Variants in RBFOX1 observed in about 807,000 individuals in gnomAD.
RBFOX1 encodes RNA binding fox-1 homolog 1, also known as RNA binding protein fox-1 homolog 1.
Under a neutral mutation model 57.7 loss-of-function variants are expected in RBFOX1, and 8 were observed. The observed-to-expected ratio is 0.14, with a 90% CI of 0.08 to 0.25. The LOEUF (loss-of-function observed/expected upper bound fraction) is 0.25. Ranked by LOEUF, RBFOX1 falls within the 10% of genes least tolerant of loss-of-function variation. The pLI, the probability that RBFOX1 is intolerant of heterozygous loss-of-function variation, is 1.00. For missense variants in RBFOX1, 611 were observed against 548.5 expected, an observed-to-expected ratio of 1.11 and a Z score of -1.14; for synonymous variants, 326 against 222.4, an observed-to-expected ratio of 1.47 and a Z score of -4.15.
intron 3 of RBFOX1, among the ~76,000 whole-genome samples, chr16:6,992,164 C>G (rs910484364): frequency 3.2e-5 from 4 of 126,380 alleles, no homozygotes; most frequent in Non-Finnish European, 7.4e-5. Flanking sequence ...CATAGAGAAG[C>G]AATTTTTTGT....
chr16:6,210,891 C>T (rs560920250), intron 1 of RBFOX1, among the ~76,000 whole-genome samples: 1 of 152,094 alleles, frequency 6.6e-6, no homozygotes, highest in Non-Finnish European at 1.5e-5. Flanking sequence ...TCAGCTGATA[C>T]CACTTTCTCT....
chr16:5,490,108 A>G (rs1403064404), intron 2 of RBFOX1, among the ~76,000 whole-genome samples: 1 of 152,094 alleles, frequency 6.6e-6, no homozygotes, highest in Non-Finnish European at 1.5e-5. Flanking sequence ...GAGCTTGATG[A>G]ATCTAGGGAA....
chr16:6,904,031 C>A (rs12928964), intron 3 of RBFOX1, among the ~76,000 whole-genome samples: 32,145 of 152,090 alleles, frequency 0.21, 3,602 homozygotes, highest in East Asian at 0.31. Flanking sequence ...ATGCCCCCAC[C>A]TGAGGTCATA....
At chr16:7,167,685 T>C (rs1295207420) in intron 4 of RBFOX1, among the ~76,000 whole-genome samples, 1 of 152,236 alleles carries the variant, frequency 6.6e-6, no homozygotes, top group African/African-American at 2.4e-5. Flanking sequence ...GGCTGCAAAC[T>C]AAGGCCTGAG....
At chr16:5,644,258 G>A (rs1028550244) in intron 3 of RBFOX1, among the ~76,000 whole-genome samples, 3 of 152,180 alleles carry the variant, frequency 2.0e-5, no homozygotes, top group African/African-American at 4.8e-5. Flanking sequence ...GGTTAAGGCT[G>A]TATATGAAGG....
intron 4 of RBFOX1, among the ~76,000 whole-genome samples, chr16:7,336,219 C>T (rs1353810365): frequency 6.6e-6 from 1 of 152,162 alleles, no homozygotes; most frequent in African/African-American, 2.4e-5. Context: ...GGACCATGGC[C>T]AAATGACATA....
intron 2 of RBFOX1, among the ~76,000 whole-genome samples, chr16:6,522,154 AGTGTGTGTGTGTGTGTGTGT>A (rs35360830): frequency 2.1e-5 from 3 of 142,762 alleles, no homozygotes; most frequent in East Asian, 2.1e-4. Context: ...GGGGACCCAC[AGTGTGTGTGTGTGTGTGTGT>A]GTGTGTGTGT....
intron 4 of RBFOX1, among the ~76,000 whole-genome samples, chr16:7,239,040 C>T (rs1388924108): frequency 6.6e-6 from 1 of 152,198 alleles, no homozygotes; most frequent in Non-Finnish European, 1.5e-5. Flanking sequence ...TCCAGTCTAT[C>T]ATTGATGGGC....
chr16:5,454,881 T>TC (rs1289633904), intron 1 of RBFOX1, among the ~76,000 whole-genome samples: 1 of 126,958 alleles, frequency 7.9e-6, no homozygotes, highest in African/African-American at 3.0e-5. Flanking sequence ...TTTCTTTCTT[T>TC]CTTTCTTTCT....
At chr16:5,657,732 CTTTTCTTT>C (rs1377332284) in intron 3 of RBFOX1, among the ~76,000 whole-genome samples, 4 of 98,352 alleles carry the variant, frequency 4.1e-5, no homozygotes, top group African/African-American at 1.6e-4. Context: ...TGTTTCTTTT[CTTTTCTTT>C]TTTTTTTTTT....
intron 3 of RBFOX1, among the ~76,000 whole-genome samples, chr16:5,710,448 A>G (rs1229637565): frequency 2.0e-5 from 3 of 152,038 alleles, no homozygotes; most frequent in African/African-American, 7.2e-5. Flanking sequence ...AGGGGAAGAG[A>G]CTTTGCCGTG....
intron 11 of RBFOX1, among the ~76,000 whole-genome samples, chr16:7,638,586 T>C (rs1371222188): frequency 6.6e-6 from 1 of 152,218 alleles, no homozygotes; most frequent in East Asian, 1.9e-4. Flanking sequence ...CTCTTTGAGA[T>C]GTCTGGCCAG....
chr16:6,771,659 G>A (rs568438818), intron 3 of RBFOX1, among the ~76,000 whole-genome samples: 58 of 152,342 alleles, frequency 3.8e-4, no homozygotes, highest in South Asian at 1.0e-3. Flanking sequence ...ATTTGGCAAT[G>A]TCAGGAGGCA....
intron 4 of RBFOX1, among the ~76,000 whole-genome samples, chr16:7,369,486 T>C (rs1292294489): frequency 6.6e-6 from 1 of 152,148 alleles, no homozygotes; most frequent in East Asian, 1.9e-4. Flanking sequence ...AATGAGGTTT[T>C]TAATAACTCC....
At chr16:7,591,201 T>G (rs1021183541) in intron 7 of RBFOX1, among the ~76,000 whole-genome samples, 10 of 152,256 alleles carry the variant, frequency 6.6e-5, no homozygotes, top group Non-Finnish European at 1.5e-4. Context: ...CAGGAGAAGT[T>G]GCATGTGCAA....
At chr16:7,326,444 C>T (rs1184140923) in intron 4 of RBFOX1, among the ~76,000 whole-genome samples, 1 of 152,074 alleles carries the variant, frequency 6.6e-6, no homozygotes, top group Admixed American at 6.5e-5. Context: ...ACAGCAACAT[C>T]TGTATGGGGT....
At chr16:5,320,783 G>A (rs6500680) in intron 1 of RBFOX1, among the ~76,000 whole-genome samples, 17,574 of 152,180 alleles carry the variant, frequency 0.12, 1,043 homozygotes, top group Middle Eastern at 0.16. Context: ...GAAGCTCCAT[G>A]GTCTGAGTAG....
intron 4 of RBFOX1, among the ~76,000 whole-genome samples, chr16:7,398,772 G>T (rs1001129864): frequency 2.0e-5 from 3 of 152,202 alleles, no homozygotes; most frequent in Non-Finnish European, 4.4e-5. Context: ...CCATGTGGCT[G>T]GGGGCCAGCT....
chr16:6,484,461 G>A (rs1204069925), intron 2 of RBFOX1, among the ~76,000 whole-genome samples: 2 of 152,134 alleles, frequency 1.3e-5, no homozygotes, highest in Non-Finnish European at 2.9e-5. Context: ...ACCATTTTAT[G>A]ACATGGAATA....
Sources: gnomAD v4.1 joint callset for allele counts (sites outside exome capture counted in the v4.1 genomes callset) on GRCh38, gnomAD v4.1.1 for gene constraint, MANE v1.5 for transcripts, NCBI Gene and HGNC (gene_info 2026-07-23, HGNC 2026-07-21) for gene names.